IGF1R: variants seen among roughly 807,000 people sequenced by gnomAD.
The protein encoded by IGF1R is insulin-like growth factor 1 receptor.
A neutral mutation model predicts 144.6 loss-of-function variants in IGF1R; 44 were observed. That is an observed-to-expected ratio of 0.30 (90% confidence interval 0.24 to 0.39). The LOEUF (loss-of-function observed/expected upper bound fraction) is 0.39. Among genes scored for constraint, IGF1R ranks in the 10% least tolerant of loss-of-function variants. IGF1R has a pLI of 1.00. For missense variants in IGF1R, 1,355 were observed against 1,833.7 expected (o/e 0.74, Z 4.77); for synonymous variants, 795 against 722.8 (o/e 1.10, Z -1.60).
intron 2 of IGF1R, among the ~76,000 whole-genome samples, chr15:98,876,681 A>T (rs1201698138): frequency 1.3e-5 from 2 of 152,164 alleles, no homozygotes; most frequent in Non-Finnish European, 2.9e-5. Context: ...TTTTTTTCCG[A>T]GGCACTTTTG....
At chr15:98,791,919 G>A (rs2056135861) in intron 2 of IGF1R, among the ~76,000 whole-genome samples, 1 of 152,202 alleles carries the variant, frequency 6.6e-6, no homozygotes, top group East Asian at 1.9e-4. Context: ...TGGCAGAGGA[G>A]CAATCTGCTC....
chr15:98,666,904 G>T (rs1279421094), intron 1 of IGF1R, among the ~76,000 whole-genome samples: 6 of 152,170 alleles, frequency 3.9e-5, no homozygotes, highest in African/African-American at 1.4e-4. Context: ...TCTTTGTTGT[G>T]TATATTTTAC....
intron 7 of IGF1R, 59 bp from the exon 8 acceptor site, chr15:98,912,985 A>T: frequency 8.3e-7 from 1 of 1,198,970 alleles, no homozygotes; most frequent in South Asian, 1.2e-5. Flanking sequence ...TCTGGGGAAG[A>T]TTTTTGAGGG....
intron 1 of IGF1R, among the ~76,000 whole-genome samples, chr15:98,670,206 G>A (rs2052853158): frequency 6.6e-6 from 1 of 152,170 alleles, no homozygotes; most frequent in Non-Finnish European, 1.5e-5. Context: ...GCTTTTATGA[G>A]TGAGGATGGA....
At chr15:98,770,190 G>C (rs958890563) in intron 2 of IGF1R, among the ~76,000 whole-genome samples, 4 of 152,168 alleles carry the variant, frequency 2.6e-5, no homozygotes, top group African/African-American at 4.8e-5. Flanking sequence ...TAATGAGTGT[G>C]ACCATGGGCT....
chr15:98,912,157 T>C (rs1265962763), intron 7 of IGF1R, among the ~76,000 whole-genome samples: 1 of 152,150 alleles, frequency 6.6e-6, no homozygotes, highest in Non-Finnish European at 1.5e-5. Context: ...CCATCCCCCT[T>C]ACCCAGGTCC....
Position 98,891,231 on chromosome 15 carries a change from A to G in IGF1R, c.641-94A>G. The G allele has an allele frequency of 1.8e-6, 2 of 1,104,030 alleles. No homozygotes were observed. The highest frequency in any genetic ancestry group is 2.7e-6 in the Non-Finnish European group (2 of 746,814). The allele number at this position is 1,104,030 out of a possible 1,614,324, so 68.4% of individuals were successfully genotyped here. On this transcript the variant is annotated intron_variant, in intron 2 of 20. Coordinates refer to ENST00000650285, the MANE Select transcript of IGF1R (RefSeq NM_000875.5). The surrounding 1 kb of genome is among the most constrained non-coding windows in gnomAD (Gnocchi z 4.7). Reference sequence around the variant, plus strand: ...CAATGAGTGATCTGGTGCTGGTGGTAGCAGTGAATGACCCAGAAGGATGCT... The same window carrying G: ...CAATGAGTGATCTGGTGCTGGTGGTGGCAGTGAATGACCCAGAAGGATGCT...
intron 1 of IGF1R, among the ~76,000 whole-genome samples, chr15:98,650,528 G>A (rs1024774862): frequency 2.0e-5 from 3 of 152,232 alleles, no homozygotes; most frequent in Non-Finnish European, 4.4e-5. Flanking sequence ...GGGATGGAGG[G>A]GTACTAGGGC....
At chr15:98,703,310 C>G (rs2092318254) in intron 1 of IGF1R, among the ~76,000 whole-genome samples, 1 of 152,174 alleles carries the variant, frequency 6.6e-6, no homozygotes. Context: ...GTGTCTCTCC[C>G]TCTTGTGCTG....
At chr15:98,941,150 G>A (rs1395644824) in intron 18 of IGF1R, among the ~76,000 whole-genome samples, 1 of 152,172 alleles carries the variant, frequency 6.6e-6, no homozygotes, top group Non-Finnish European at 1.5e-5. Flanking sequence ...CCTTACATCC[G>A]GGAGCCTCAG....
chr15:98,871,261 G>A (rs1386476017), intron 2 of IGF1R, among the ~76,000 whole-genome samples: 1 of 152,204 alleles, frequency 6.6e-6, no homozygotes, highest in Non-Finnish European at 1.5e-5. Flanking sequence ...TAGGAACTAG[G>A]TGCAGAACCT....
At chr15:98,699,455 TG>T (rs1426279491) in intron 1 of IGF1R, among the ~76,000 whole-genome samples, 1 of 152,176 alleles carries the variant, frequency 6.6e-6, no homozygotes, top group Non-Finnish European at 1.5e-5. Flanking sequence ...CCTAGAATAT[TG>T]GGCTTTGGGA....
chr15:98,717,792 A>G (rs994953502), intron 2 of IGF1R, among the ~76,000 whole-genome samples: 5 of 152,194 alleles, frequency 3.3e-5, no homozygotes, highest in Non-Finnish European at 5.9e-5. Flanking sequence ...GTTTGCATGG[A>G]TAACATTAAA....
chr15:98,719,993 A>G (rs761803725), intron 2 of IGF1R, among the ~76,000 whole-genome samples: 4 of 152,220 alleles, frequency 2.6e-5, no homozygotes, highest in Admixed American at 6.5e-5. Context: ...TTCAGCAAAA[A>G]ATAAAAGGTG....
intron 2 of IGF1R, among the ~76,000 whole-genome samples, chr15:98,733,530 C>T (rs987005698): frequency 1.3e-5 from 2 of 151,278 alleles, no homozygotes; most frequent in Non-Finnish European, 2.9e-5. Flanking sequence ...GTGGTCCAGA[C>T]GAGGCCAGAG....
chr15:98,782,642 C>G (rs1350515351), intron 2 of IGF1R, among the ~76,000 whole-genome samples: 5 of 152,144 alleles, frequency 3.3e-5, no homozygotes, highest in African/African-American at 1.2e-4. Flanking sequence ...GACATGATTT[C>G]TTTAATCACT....
At chr15:98,752,932 A>ATT (rs775327338) in intron 2 of IGF1R, among the ~76,000 whole-genome samples, 26,523 of 68,212 alleles carry the variant, frequency 0.39, 3,285 homozygotes, top group Non-Finnish European at 0.48. Flanking sequence ...AAATCATACT[A>ATT]TTTTTTTTTT....
chr15:98,933,796 C>G lies in IGF1R; in HGVS notation c.2957-1028C>G, dbSNP rs558734231. 2.6e-5 allele frequency among the ~76,000 whole-genome samples: 4 copies of G among 152,266 alleles called. No individual in the cohort carries two copies. The East Asian group carries it at 7.7e-4, about 29-fold the overall frequency. ...CCCTGGAAACGCCTCTGCCCGTCCG[C>G]TGCCTAATTGCCTGTCCACGCTGGG... On this transcript the variant is annotated intron_variant, in intron 15 of 20. Coordinates refer to ENST00000650285, the MANE Select transcript of IGF1R (RefSeq NM_000875.5).
chr15:98,738,609 G>A (rs976059799), intron 2 of IGF1R, among the ~76,000 whole-genome samples: 1 of 152,170 alleles, frequency 6.6e-6, no homozygotes, highest in Admixed American at 6.5e-5. Flanking sequence ...TCTGTCTGAG[G>A]CTCAGATTCC....
Sources: allele counts gnomAD v4.1 joint callset (sites outside exome capture counted in the v4.1 genomes callset), GRCh38; gene constraint gnomAD v4.1.1; non-coding constraint Gnocchi (gnomAD v3.1); transcripts MANE v1.5; gene names NCBI Gene and HGNC (gene_info 2026-07-23, HGNC 2026-07-21).